Variants in STAU2 observed in about 807,000 individuals in gnomAD.
The protein encoded by STAU2 is double-stranded RNA-binding protein Staufen homolog 2.
STAU2 carries 20 observed loss-of-function variants against 65.9 expected under a neutral mutation model. That is an observed-to-expected ratio of 0.30 (90% CI 0.21 to 0.44). STAU2 has a LOEUF of 0.44. STAU2 is among the 20% of genes least tolerant of loss of function. The pLI, the probability that STAU2 is intolerant of heterozygous loss-of-function variation, is 1.00. For missense variants in STAU2, 558 were observed against 683.9 expected, an observed-to-expected ratio of 0.82 and a Z score of 2.05; for synonymous variants, 232 against 233.9, an observed-to-expected ratio of 0.99 and a Z score of 0.07.
At chr8:73,692,814 A>G (rs566971113) in intron 4 of STAU2, among the ~76,000 whole-genome samples, 33 of 152,308 alleles carry the variant, frequency 2.2e-4, no homozygotes, top group African/African-American at 7.9e-4. Flanking sequence ...GTATGGGGAC[A>G]ATTGCAGAAT....
chr8:73,483,186 TA>T (rs2128911502), intron 13 of STAU2, among the ~76,000 whole-genome samples: 1 of 152,068 alleles, frequency 6.6e-6, no homozygotes, highest in South Asian at 2.1e-4. Flanking sequence ...GATAAAAGAT[TA>T]AAAAGAATCA....
intron 13 of STAU2, among the ~76,000 whole-genome samples, chr8:73,545,949 A>G (rs572469776): frequency 1.3e-5 from 2 of 148,728 alleles, no homozygotes; most frequent in African/African-American, 5.0e-5. Context: ...ACCTGGCCCT[A>G]TTGATTTTTT....
rs559773816 is a variant in STAU2 at position 73,658,784 on chromosome 8, G to A, written c.410+14323C>T. 4.0e-5 allele frequency among the ~76,000 whole-genome samples: 6 copies of A among 151,724 alleles called. No individual in the cohort carries two copies. In the South Asian group the frequency reaches 1.0e-3, roughly 26 times the overall value. ...AAAAATTAGCTGGGCATGGTGGCAC[G>A]TGCCTGTAGTCCCAGCTACTCTGGA... On this transcript the variant is annotated intron_variant, in intron 6 of 14. Transcript: ENST00000524300.
chr8:73,459,372 A>G (rs1482894637), intron 13 of STAU2, among the ~76,000 whole-genome samples: 1 of 152,220 alleles, frequency 6.6e-6, no homozygotes, highest in Non-Finnish European at 1.5e-5. Flanking sequence ...CAAAAAAGCC[A>G]TATTTTTCCA....
At chr8:73,459,058 A>G (rs977822400) in intron 13 of STAU2, among the ~76,000 whole-genome samples, 6 of 152,228 alleles carry the variant, frequency 3.9e-5, no homozygotes, top group African/African-American at 1.2e-4. Flanking sequence ...ACTTTCATGA[A>G]AGTAATCACA....
intron 6 of STAU2, among the ~76,000 whole-genome samples, chr8:73,657,946 G>A (rs1371365138): frequency 5.3e-5 from 8 of 152,116 alleles, no homozygotes; most frequent in Middle Eastern, 3.4e-3. Context: ...CCCAGGAGGC[G>A]GAGGTTGCAG....
intron 6 of STAU2, among the ~76,000 whole-genome samples, chr8:73,662,307 A>G (rs1816887896): frequency 6.6e-6 from 1 of 152,146 alleles, no homozygotes; most frequent in Admixed American, 6.5e-5. Flanking sequence ...GTTTCCTTCT[A>G]ATATATGTCT....
At chr8:73,512,580 G>A (rs1452920550) in intron 13 of STAU2, among the ~76,000 whole-genome samples, 1 of 151,482 alleles carries the variant, frequency 6.6e-6, no homozygotes, top group Non-Finnish European at 1.5e-5. Context: ...ACAAATTTTT[G>A]TATATTCATC....
intron 1 of STAU2, among the ~76,000 whole-genome samples, chr8:73,741,490 C>T (rs1277088208): frequency 6.6e-6 from 1 of 151,604 alleles, no homozygotes; most frequent in East Asian, 1.9e-4. Flanking sequence ...TATTGGGGTA[C>T]CTTTTTGAAA....
At chr8:73,729,530 AT>A (rs1049281346) in intron 3 of STAU2, among the ~76,000 whole-genome samples, 3 of 152,090 alleles carry the variant, frequency 2.0e-5, no homozygotes. Flanking sequence ...TTCTTTAAAT[AT>A]TTGGTAGAAT....
intron 5 of STAU2, 94 bp downstream of exon 5, chr8:73,688,560 C>A: frequency 9.0e-6 from 11 of 1,222,014 alleles, no homozygotes; most frequent in East Asian, 2.5e-5. Flanking sequence ...ACTATTAATA[C>A]TTGCTCACTC....
intron 6 of STAU2, among the ~76,000 whole-genome samples, chr8:73,655,628 T>C (rs957674051): frequency 5.3e-5 from 8 of 150,454 alleles, no homozygotes; most frequent in Non-Finnish European, 5.9e-5. Context: ...AATATTATAA[T>C]TTTAATACAT....
chr8:73,427,519 C>A (rs1364777969), intron 13 of STAU2, among the ~76,000 whole-genome samples: 3 of 152,240 alleles, frequency 2.0e-5, no homozygotes, highest in African/African-American at 7.2e-5. Context: ...ACCCTCCCTG[C>A]AAGAAAGGAA....
intron 12 of STAU2, among the ~76,000 whole-genome samples, chr8:73,571,677 TA>T (rs1809101220): frequency 2.0e-5 from 3 of 152,236 alleles, no homozygotes; most frequent in South Asian, 4.1e-4. Context: ...AAGGCAGAAA[TA>T]AAGATGTTCT....
intron 13 of STAU2, among the ~76,000 whole-genome samples, chr8:73,445,556 A>G (rs1818421194): frequency 6.6e-6 from 1 of 152,222 alleles, no homozygotes; most frequent in Non-Finnish European, 1.5e-5. Flanking sequence ...AAGACTCTAT[A>G]AGAGAAGGAA....
intron 6 of STAU2, among the ~76,000 whole-genome samples, chr8:73,627,583 T>C (rs1008978639): frequency 1.3e-5 from 2 of 152,192 alleles, no homozygotes; most frequent in African/African-American, 4.8e-5. Context: ...AAGAAAAAAT[T>C]AGGATTTTCC....
At chr8:73,543,948 C>A (rs1050532912) in intron 13 of STAU2, among the ~76,000 whole-genome samples, 14 of 152,330 alleles carry the variant, frequency 9.2e-5, no homozygotes, top group Non-Finnish European at 1.6e-4. Context: ...CTGGACAAAT[C>A]CATGTGAATG....
intron 13 of STAU2, among the ~76,000 whole-genome samples, chr8:73,450,389 A>G (rs922453442): frequency 2.0e-5 from 3 of 151,902 alleles, no homozygotes; most frequent in Non-Finnish European, 4.4e-5. Context: ...CCCGATTGCC[A>G]AAGAGTCCAT....
chr8:73,463,107 T>C (rs2128900958), intron 13 of STAU2, among the ~76,000 whole-genome samples: 1 of 152,348 alleles, frequency 6.6e-6, no homozygotes, highest in East Asian at 1.9e-4. Context: ...CCTGGCTGTG[T>C]GATCATGGAC....
Sources: allele counts gnomAD v4.1 joint callset (sites outside exome capture counted in the v4.1 genomes callset), GRCh38; gene constraint gnomAD v4.1.1; transcripts MANE v1.5; gene names NCBI Gene and HGNC (gene_info 2026-07-23, HGNC 2026-07-21).